Variants in PPP2R2B observed in about 807,000 individuals in gnomAD.
PPP2R2B encodes serine/threonine-protein phosphatase 2A 55 kDa regulatory subunit B beta isoform.
A neutral mutation model predicts 46.0 loss-of-function variants in PPP2R2B; 5 were observed. That is an observed-to-expected ratio of 0.11 (90% CI 0.06 to 0.23). PPP2R2B has a LOEUF of 0.23. PPP2R2B is among the 10% of genes least tolerant of loss of function. The pLI, the probability that PPP2R2B is intolerant of heterozygous loss-of-function variation, is 1.00. For synonymous variants in PPP2R2B, 215 were observed against 206.7 expected (o/e 1.04, Z -0.34); for missense variants, 367 against 575.0 (o/e 0.64, Z 3.70).
chr5:146,947,221 C>G (rs1365137434), intron 1 of PPP2R2B, among the ~76,000 whole-genome samples: 1 of 152,184 alleles, frequency 6.6e-6, no homozygotes, highest in Admixed American at 6.5e-5. Flanking sequence ...TTCTGCACAG[C>G]ATTTATGCTC....
chr5:146,965,493 G>A (rs996016960), intron 1 of PPP2R2B, among the ~76,000 whole-genome samples: 1 of 152,018 alleles, frequency 6.6e-6, no homozygotes, highest in Non-Finnish European at 1.5e-5. Context: ...TTTTTAATCC[G>A]TGAAAAAGAA....
At chr5:146,741,608 G>A (rs1274123270) in intron 2 of PPP2R2B, among the ~76,000 whole-genome samples, 6 of 152,122 alleles carry the variant, frequency 3.9e-5, no homozygotes, top group Non-Finnish European at 8.8e-5. Flanking sequence ...CTCTCGGGAC[G>A]TGGGGACAGA....
At chr5:146,922,915 T>C (rs1763656007) in intron 1 of PPP2R2B, among the ~76,000 whole-genome samples, 1 of 152,174 alleles carries the variant, frequency 6.6e-6, no homozygotes, top group South Asian at 2.1e-4. Flanking sequence ...TGGAGATTCA[T>C]GTAGAACAAT....
intron 2 of PPP2R2B, among the ~76,000 whole-genome samples, chr5:146,844,057 A>T (rs537646208): frequency 6.6e-6 from 1 of 150,716 alleles, no homozygotes; most frequent in South Asian, 2.1e-4. Flanking sequence ...ACTAGTTTAC[A>T]GTCCCACCAA....
At chr5:146,650,794 TATC>T in intron 5 of PPP2R2B, 70 bp from the exon 6 acceptor site, 1 of 1,354,654 alleles carries the variant, frequency 7.4e-7, no homozygotes, top group Non-Finnish European at 1.0e-6. Context: ...TGCATGCTAA[TATC>T]ATTTATTATC....
At chr5:146,757,683 C>T (rs758711718) in intron 2 of PPP2R2B, among the ~76,000 whole-genome samples, 7 of 152,110 alleles carry the variant, frequency 4.6e-5, no homozygotes, top group Non-Finnish European at 7.4e-5. Context: ...TACAAACATG[C>T]GATATGGGGG....
At chr5:146,617,169 T>C (rs1341025164) in intron 7 of PPP2R2B, among the ~76,000 whole-genome samples, 1 of 151,942 alleles carries the variant, frequency 6.6e-6, no homozygotes, top group East Asian at 1.9e-4. Flanking sequence ...AAGCTAAAAA[T>C]CAAAACAATT....
intron 1 of PPP2R2B, among the ~76,000 whole-genome samples, chr5:146,940,248 G>A (rs890690339): frequency 4.4e-4 from 67 of 152,232 alleles, no homozygotes; most frequent in African/African-American, 1.6e-3. Flanking sequence ...TCAGAGCCCT[G>A]CCCTCCTGGC....
intron 2 of PPP2R2B, chr5:146,706,941 G>T: frequency 9.1e-7 from 1 of 1,102,140 alleles, no homozygotes. Flanking sequence ...TCATACAGCT[G>T]CCTGAGGAAG....
chr5:146,617,746 G>A (rs112667932), intron 7 of PPP2R2B, among the ~76,000 whole-genome samples: 12,739 of 151,104 alleles, frequency 0.084, 874 homozygotes, highest in East Asian at 0.24. Flanking sequence ...CGAGGCTGGA[G>A]TGCAGTGGCG....
At chr5:146,978,047 GA>G (rs1752999039) in intron 1 of PPP2R2B, among the ~76,000 whole-genome samples, 1 of 152,118 alleles carries the variant, frequency 6.6e-6, no homozygotes, top group Non-Finnish European at 1.5e-5. Flanking sequence ...GTTGTTTCCT[GA>G]CTTTTTAATG....
At chr5:146,593,120 C>T in intron 8 of PPP2R2B, 58 bp from the exon 9 acceptor site, 1 of 1,317,282 alleles carries the variant, frequency 7.6e-7, no homozygotes, top group Non-Finnish European at 1.1e-6. Context: ...ATTATTTCTG[C>T]AAACACCTCC....
chr5:146,810,911 C>T (rs1757500778), intron 2 of PPP2R2B, among the ~76,000 whole-genome samples: 1 of 137,428 alleles, frequency 7.3e-6, no homozygotes, highest in African/African-American at 2.7e-5. Flanking sequence ...GTGTGATGTT[C>T]CCCTTCCTGT....
intron 2 of PPP2R2B, among the ~76,000 whole-genome samples, chr5:146,819,398 G>T (rs1758122436): frequency 6.6e-6 from 1 of 152,238 alleles, no homozygotes; most frequent in Admixed American, 6.5e-5. Flanking sequence ...ACACTGGGGT[G>T]GGATGGGAGT....
At chr5:146,972,156 A>T (rs545471752) in intron 1 of PPP2R2B, among the ~76,000 whole-genome samples, 2 of 151,974 alleles carry the variant, frequency 1.3e-5, no homozygotes, top group Admixed American at 1.3e-4. Flanking sequence ...TGGTTTGTAG[A>T]ATGTCTCTCA....
At chr5:147,028,720 C>T (rs1755640233) in intron 1 of PPP2R2B, among the ~76,000 whole-genome samples, 1 of 152,120 alleles carries the variant, frequency 6.6e-6, no homozygotes, top group Non-Finnish European at 1.5e-5. Flanking sequence ...GTTGGATTTA[C>T]TGTATGGGTA....
intron 2 of PPP2R2B, among the ~76,000 whole-genome samples, chr5:146,730,725 G>A (rs778207037): frequency 3.3e-5 from 5 of 152,144 alleles, no homozygotes; most frequent in African/African-American, 7.2e-5. Context: ...TTCACCTCCT[G>A]ACATGCTTCT....
At chr5:147,049,253 T>C (rs757413331) in intron 1 of PPP2R2B, among the ~76,000 whole-genome samples, 1 of 152,102 alleles carries the variant, frequency 6.6e-6, no homozygotes, top group Non-Finnish European at 1.5e-5. Context: ...TACCATAGAA[T>C]TGTAAGAATG....
chr5:147,065,878 C>T (rs1044826597), intron 2 of PPP2R2B, among the ~76,000 whole-genome samples: 1 of 151,988 alleles, frequency 6.6e-6, no homozygotes, highest in Non-Finnish European at 1.5e-5. Flanking sequence ...GGTGCGGGTC[C>T]GTGAGCTAAA....
Sources: allele counts gnomAD v4.1 joint callset (sites outside exome capture counted in the v4.1 genomes callset), GRCh38; gene constraint gnomAD v4.1.1; transcripts MANE v1.5; gene names NCBI Gene and HGNC (gene_info 2026-07-23, HGNC 2026-07-21).